Variants in ZNF589 observed in about 807,000 individuals in gnomAD.
ZNF589 encodes the protein zinc finger protein 589, also known as KRAB-zinc finger protein SZF1-1.
ZNF589 carries 17 observed loss-of-function variants against 13.6 expected under a neutral mutation model. The observed-to-expected ratio is 1.25, with a 90% CI of 0.86 to 1.88. The LOEUF is 1.88. ZNF589 is among the 40% of genes most tolerant of loss of function. ZNF589 has a pLI of 0.00. For synonymous variants in ZNF589, 148 were observed against 161.6 expected (o/e 0.92, Z 0.64); for missense variants, 407 against 434.0 (o/e 0.94, Z 0.55).
intron 3 of ZNF589, among the ~76,000 whole-genome samples, chr3:48,265,833 G>A (rs753696117): frequency 2.6e-5 from 4 of 151,620 alleles, no homozygotes; most frequent in Non-Finnish European, 5.9e-5. Flanking sequence ...ACCTGAATTT[G>A]GATTCTAAGC....
chr3:48,242,210 C>T (rs1176827655), intron 1 of ZNF589, among the ~76,000 whole-genome samples: 2 of 151,910 alleles, frequency 1.3e-5, no homozygotes, highest in African/African-American at 4.8e-5. Context: ...TCCCAGGTTC[C>T]AGCGATTCTC....
At position 48,256,678 on chromosome 3, in the gene ZNF589, C is replaced by T; in HGVS notation, c.97-4135C>T. On this transcript the variant is annotated intron_variant, in intron 2 of 3. Transcript: ENST00000354698. ...GGGGCTGGATGAACTGGCTAAGCAG[C>T]AAAACATCATCATAGTTTTACTTGT... 2.1e-6 allele frequency: 3 copies of T among 1,405,846 alleles called. No homozygotes were observed. The South Asian group carries it at 3.5e-5, about 16-fold the overall frequency. 87.1% of individuals were successfully genotyped at this position (1,405,846 alleles called of 1,614,324 possible). A position where few individuals can be genotyped will look rare whatever the true frequency, so the allele number is the denominator to read the frequency against.
At chr3:48,246,183 G>A (rs2106831326) in intron 1 of ZNF589, among the ~76,000 whole-genome samples, 1 of 152,012 alleles carries the variant, frequency 6.6e-6, no homozygotes, top group Middle Eastern at 3.4e-3. Context: ...GCATGGTGGT[G>A]CATGCCTGTA....
At chr3:48,245,902 G>A (rs1027604067) in intron 1 of ZNF589, among the ~76,000 whole-genome samples, 1 of 151,458 alleles carries the variant, frequency 6.6e-6, no homozygotes, top group Non-Finnish European at 1.5e-5. Flanking sequence ...AGCTGAGATC[G>A]TGCCATTGAC....
Position 48,268,813 on chromosome 3 carries a change from T to G in ZNF589, c.*27T>G. 1 of 1,582,536 alleles carries G rather than the reference T, an allele frequency of 6.3e-7. No individual in the cohort carries two copies. Among genetic ancestry groups the G allele is most frequent in the Non-Finnish European group, 8.6e-7 (1 of 1,165,892 alleles). ...GCCGAGGCTTTGTAAGGAGATCATGTCTCAACACACACCAGAGGATACATT... is the reference window on the plus strand; with the variant it reads ...GCCGAGGCTTTGTAAGGAGATCATGGCTCAACACACACCAGAGGATACATT... On this transcript the variant is annotated 3_prime_UTR_variant, in exon 4 of 4. Coordinates refer to ENST00000354698, the MANE Select transcript of ZNF589 (RefSeq NM_016089.3).
At chr3:48,243,231 G>GAGTTCTGATCAGA (rs2033717286) in intron 1 of ZNF589, among the ~76,000 whole-genome samples, 2 of 151,982 alleles carry the variant, frequency 1.3e-5, no homozygotes, top group Non-Finnish European at 2.9e-5. Context: ...AGGATCACTT[G>GAGTTCTGATCAGA]AGCCCAGAAG....
At chr3:48,242,438 G>C (rs1483669386) in intron 1 of ZNF589, among the ~76,000 whole-genome samples, 3 of 152,004 alleles carry the variant, frequency 2.0e-5, no homozygotes, top group African/African-American at 7.2e-5. Flanking sequence ...GTAACAACAG[G>C]AACAGTCTAG....
At chr3:48,243,067 T>TA (rs1316258685) in intron 1 of ZNF589, among the ~76,000 whole-genome samples, 8,112 of 141,320 alleles carry the variant, frequency 0.057, 744 homozygotes, top group African/African-American at 0.19. Flanking sequence ...AATGAGACTC[T>TA]AAAAAAAAAA....
chr3:48,259,918 CAA>C (rs538817691), intron 2 of ZNF589, among the ~76,000 whole-genome samples: 1,038 of 98,090 alleles, frequency 0.011, 4 homozygotes, highest in Non-Finnish European at 0.015. Flanking sequence ...GACTCCGTAT[CAA>C]AAAAAAAAAA....
Position 48,270,739 on chromosome 3 carries a change from A to G in ZNF589, c.*1953A>G, listed in dbSNP as rs1045482. The G allele has an allele frequency of 0.38, 63,176 of 165,712 alleles. 13,077 individuals carry two copies. The highest frequency in any genetic ancestry group is 0.53 in the African/African-American group (22,080 of 41,714). The allele number at this position is 165,712 out of a possible 1,614,324, so 10.3% of individuals were successfully genotyped here. A position where few individuals can be genotyped will look rare whatever the true frequency, so the allele number is the denominator to read the frequency against. Reference sequence around the variant, plus strand: ...GCTTGGTTTTGATGCTAGAGAGGAAAAAGGACTTGGAGAGAGAGAAGGAAT... The same window carrying G: ...GCTTGGTTTTGATGCTAGAGAGGAAGAAGGACTTGGAGAGAGAGAAGGAAT... On this transcript the variant is annotated 3_prime_UTR_variant, in exon 4 of 4. Coordinates refer to ENST00000354698, the MANE Select transcript of ZNF589 (RefSeq NM_016089.3).
At position 48,245,142 on chromosome 3, in the gene ZNF589, C is replaced by T. The variant is rs138472863; in HGVS notation, c.44-2483C>T. 7.1e-4 allele frequency among the ~76,000 whole-genome samples: 108 copies of T among 152,164 alleles called. 1 individual carries two copies. In the East Asian group the frequency reaches 0.011, roughly 16 times the overall value. ...TATCTTTTCAGAGACAGGGTTTCCCCGGCTCTGTCACTGAGGCTGGAGTAT... is the reference window on the plus strand; with the variant it reads ...TATCTTTTCAGAGACAGGGTTTCCCTGGCTCTGTCACTGAGGCTGGAGTAT... On this transcript the variant is annotated intron_variant, in intron 1 of 3. Coordinates refer to ENST00000354698, the MANE Select transcript of ZNF589 (RefSeq NM_016089.3).
chr3:48,269,585 A>AT lies in ZNF589; in HGVS notation c.*799_*800insT. 2.9e-6 allele frequency: 1 copy of AT among 340,784 alleles called. No individual in the cohort carries two copies. The highest frequency in any genetic ancestry group is 4.1e-5 in the Admixed American group (1 of 24,432). 21.1% of individuals were successfully genotyped at this position (340,784 alleles called of 1,614,324 possible). On this transcript the variant is annotated 3_prime_UTR_variant, in exon 4 of 4. Transcript: ENST00000354698. ...CAAGTCCACTCTCAGCTTACATCAG[A>AT]GGATACACTCGGGGGAGAAGCCTTA...
In ZNF589 at chr3:48,267,799, C is replaced by T. The variant is rs955342138; in HGVS notation, c.224-116C>T. 5.5e-6 allele frequency: 6 copies of T among 1,084,018 alleles called. No homozygotes were observed. In the African/African-American group the frequency reaches 6.3e-5, roughly 11 times the overall value. 67.1% of individuals were successfully genotyped at this position (1,084,018 alleles called of 1,614,324 possible). Reference sequence around the variant, plus strand: ...AAAATATAGGTCCTGCACAGCACATCTTGGGGAGAAAGACTTTAATCATTG... The same window carrying T: ...AAAATATAGGTCCTGCACAGCACATTTTGGGGAGAAAGACTTTAATCATTG... On this transcript the variant is annotated intron_variant, in intron 3 of 3. Coordinates refer to ENST00000354698, the MANE Select transcript of ZNF589 (RefSeq NM_016089.3).
chr3:48,251,960 G>A (rs774520215), intron 2 of ZNF589, among the ~76,000 whole-genome samples: 1 of 151,580 alleles, frequency 6.6e-6, no homozygotes, highest in Non-Finnish European at 1.5e-5. Flanking sequence ...GATCTCTTGA[G>A]CCTGGGAGGT....
At chr3:48,257,476 TCTCTAA>T (rs1360347809) in intron 2 of ZNF589, among the ~76,000 whole-genome samples, 1 of 152,070 alleles carries the variant, frequency 6.6e-6, no homozygotes, top group African/African-American at 2.4e-5. Context: ...GCCAGACTGG[TCTCTAA>T]CTCCTGACCT....
At chr3:48,243,183 T>C (rs1198383074) in intron 1 of ZNF589, among the ~76,000 whole-genome samples, 1 of 152,086 alleles carries the variant, frequency 6.6e-6, no homozygotes, top group Non-Finnish European at 1.5e-5. Flanking sequence ...GCATGGTGGC[T>C]CACGCCTGTA....
At chr3:48,254,554 C>T (rs1378892737) in intron 2 of ZNF589, among the ~76,000 whole-genome samples, 4 of 152,200 alleles carry the variant, frequency 2.6e-5, no homozygotes, top group South Asian at 2.1e-4. Flanking sequence ...ACATTGAGAT[C>T]GGAAGAGCTG....
chr3:48,254,555 G>A (rs966524296), intron 2 of ZNF589, among the ~76,000 whole-genome samples: 5 of 152,116 alleles, frequency 3.3e-5, no homozygotes, highest in South Asian at 2.1e-4. Flanking sequence ...CATTGAGATC[G>A]GAAGAGCTGA....
chr3:48,265,985 G>A (rs745309457), intron 3 of ZNF589, among the ~76,000 whole-genome samples: 2 of 152,036 alleles, frequency 1.3e-5, no homozygotes, highest in African/African-American at 4.8e-5. Context: ...TTCATAGATC[G>A]GGAAATTGAA....
Sources: allele counts gnomAD v4.1 joint callset (sites outside exome capture counted in the v4.1 genomes callset), GRCh38; gene constraint gnomAD v4.1.1; transcripts MANE v1.5; gene names NCBI Gene and HGNC (gene_info 2026-07-23, HGNC 2026-07-21).